PCDH15: variants seen among roughly 807,000 people sequenced by gnomAD.
PCDH15 encodes the protein protocadherin related 15, also known as protocadherin-15.
A neutral mutation model predicts 178.5 loss-of-function variants in PCDH15; 129 were observed. The ratio of observed to expected loss-of-function variants is 0.72; its 90% CI spans 0.63 to 0.84. The LOEUF (loss-of-function observed/expected upper bound fraction) is 0.84, where lower values mean the gene tolerates loss of function less well. PCDH15 is among the 40% of genes least tolerant of loss of function. The pLI is 0.00. For synonymous variants in PCDH15, 800 were observed against 732.0 expected, an observed-to-expected ratio of 1.09 and a Z score of -1.50; for missense variants, 2,230 against 2,099.9, an observed-to-expected ratio of 1.06 and a Z score of -1.21.
intron 19 of PCDH15, among the ~76,000 whole-genome samples, chr10:54,021,096 A>G (rs536983115): frequency 6.6e-6 from 1 of 152,164 alleles, no homozygotes; most frequent in South Asian, 2.1e-4. Flanking sequence ...CAAGACACAA[A>G]TACTAAAATA....
chr10:54,420,793 G>A (rs1955164668), intron 3 of PCDH15, among the ~76,000 whole-genome samples: 1 of 152,076 alleles, frequency 6.6e-6, no homozygotes. Flanking sequence ...GATTGGATTT[G>A]CTGACATTCT....
At chr10:54,257,074 TA>T (rs1012423960) in intron 8 of PCDH15, among the ~76,000 whole-genome samples, 24 of 151,874 alleles carry the variant, frequency 1.6e-4, no homozygotes, top group Non-Finnish European at 3.5e-4. Flanking sequence ...GATAGATAGA[TA>T]GATAGATAGA....
At chr10:54,567,549 T>C (rs1050151944) in intron 2 of PCDH15, among the ~76,000 whole-genome samples, 4 of 152,124 alleles carry the variant, frequency 2.6e-5, no homozygotes, top group African/African-American at 7.2e-5. Flanking sequence ...TTTTATTGTG[T>C]TATAAAATCA....
chr10:55,364,979 T>C (rs1845320460), intron 2 of PCDH15, among the ~76,000 whole-genome samples: 1 of 152,178 alleles, frequency 6.6e-6, no homozygotes, highest in Admixed American at 6.6e-5. Flanking sequence ...AATTATCTTA[T>C]TTGTCTGCCA....
intron 2 of PCDH15, among the ~76,000 whole-genome samples, chr10:54,979,815 C>CATACAAAT (rs56971852): frequency 3.0e-4 from 46 of 151,598 alleles, no homozygotes; most frequent in African/African-American, 9.4e-4. Context: ...CCATATTCTA[C>CATACAAAT]GTGTAACATA....
intron 3 of PCDH15, among the ~76,000 whole-genome samples, chr10:54,825,018 C>T (rs1325285094): frequency 1.3e-5 from 2 of 151,996 alleles, no homozygotes; most frequent in Non-Finnish European, 2.9e-5. Flanking sequence ...TGCTATCCCT[C>T]CCCCCTCCTC....
intron 5 of PCDH15, among the ~76,000 whole-genome samples, chr10:54,355,921 T>C (rs963339613): frequency 2.6e-5 from 4 of 152,160 alleles, no homozygotes; most frequent in East Asian, 1.9e-4. Context: ...AGAAGAAATA[T>C]AGCCAACCAC....
intron 10 of PCDH15, among the ~76,000 whole-genome samples, chr10:54,198,492 A>ATTTTTTT (rs1423646160): frequency 2.1e-3 from 85 of 40,822 alleles, no homozygotes; most frequent in Non-Finnish European, 2.3e-3. Flanking sequence ...ATATCTAATT[A>ATTTTTTT]TTCTTTTTTT....
chr10:53,955,349 T>C (rs953981625), intron 23 of PCDH15, among the ~76,000 whole-genome samples: 1 of 152,170 alleles, frequency 6.6e-6, no homozygotes, highest in Non-Finnish European at 1.5e-5. Context: ...CTACCCTAAC[T>C]CAGTCTGATT....
chr10:54,768,801 T>C, intron 1 of PCDH15, among the ~76,000 whole-genome samples: 1 of 152,238 alleles, frequency 6.6e-6, no homozygotes, highest in South Asian at 2.1e-4. Flanking sequence ...TCCTTGTTAG[T>C]TTTCCAAACC....
chr10:55,435,995 T>C (rs1451742862), intron 2 of PCDH15, among the ~76,000 whole-genome samples: 2 of 152,142 alleles, frequency 1.3e-5, no homozygotes, highest in Non-Finnish European at 2.9e-5. Context: ...CATTCCATAG[T>C]CACAAATAAA....
rs1049646909 is a variant in PCDH15 at position 53,883,022 on chromosome 10, G to GT, written c.3502-16166dup. ...AACACATTGGTGTTTGTTCCTTTAT[G>GT]TTTTTTTGATGTACATATGTATATA... is the stretch of plus-strand genomic sequence containing the variant. On this transcript the variant is annotated intron_variant, in intron 26 of 37. Coordinates refer to ENST00000644397, the MANE Select transcript of PCDH15 (RefSeq NM_001384140.1). 1.5e-4 allele frequency among the ~76,000 whole-genome samples: 23 copies of GT among 151,862 alleles called. 3 individuals are homozygous for GT. The highest frequency in any genetic ancestry group is 5.1e-4 in the African/African-American group (21 of 41,416).
At chr10:54,689,919 C>T (rs917424895) in intron 1 of PCDH15, among the ~76,000 whole-genome samples, 3 of 152,112 alleles carry the variant, frequency 2.0e-5, no homozygotes, top group African/African-American at 7.2e-5. Context: ...GGGGCATGTT[C>T]TTGAAGGAAT....
chr10:54,877,260 C>T (rs901679305), intron 3 of PCDH15, among the ~76,000 whole-genome samples: 6 of 152,044 alleles, frequency 3.9e-5, no homozygotes, highest in South Asian at 2.1e-4. Flanking sequence ...GAAAATTGTG[C>T]GTAACCTCTT....
chr10:55,605,581 G>T (rs1288404956), intron 2 of PCDH15, among the ~76,000 whole-genome samples: 1 of 150,474 alleles, frequency 6.6e-6, no homozygotes, highest in African/African-American at 2.5e-5. Flanking sequence ...GGGATGCAAG[G>T]CTGGTTCATT....
intron 2 of PCDH15, among the ~76,000 whole-genome samples, chr10:55,622,377 A>G (rs1457235741): frequency 2.0e-5 from 3 of 151,564 alleles, no homozygotes; most frequent in Non-Finnish European, 4.4e-5. Context: ...CATTCTTGAA[A>G]GGAATTCAAC....
chr10:54,226,339 G>A (rs775911831), intron 9 of PCDH15, among the ~76,000 whole-genome samples: 9 of 152,080 alleles, frequency 5.9e-5, no homozygotes, highest in African/African-American at 9.7e-5. Context: ...GAACAGCAAC[G>A]GAAAGACTTG....
intron 2 of PCDH15, among the ~76,000 whole-genome samples, chr10:54,657,848 A>T (rs977730775): frequency 6.6e-6 from 1 of 152,208 alleles, no homozygotes; most frequent in Non-Finnish European, 1.5e-5. Context: ...CTAACCATAG[A>T]TTCTAACCAA....
chr10:55,589,749 A>T (rs1308576371), intron 2 of PCDH15, among the ~76,000 whole-genome samples: 1 of 149,902 alleles, frequency 6.7e-6, no homozygotes, highest in Non-Finnish European at 1.5e-5. Flanking sequence ...AATGCAAATC[A>T]AAACCACAAT....
Sources: gnomAD v4.1 joint callset for allele counts (sites outside exome capture counted in the v4.1 genomes callset) on GRCh38, gnomAD v4.1.1 for gene constraint, MANE v1.5 for transcripts, NCBI Gene and HGNC (gene_info 2026-07-23, HGNC 2026-07-21) for gene names.